Variants in DTNBP1 observed in about 807,000 individuals in gnomAD.
The protein encoded by DTNBP1 is dysbindin.
In DTNBP1, 35 loss-of-function variants were observed where a neutral mutation model predicts 42.8. The ratio of observed to expected loss-of-function variants is 0.82; its 90% CI spans 0.63 to 1.09. The LOEUF is 1.09. Among genes scored for constraint, DTNBP1 ranks in the 50% least tolerant of loss-of-function variants. The pLI, the probability that DTNBP1 is intolerant of heterozygous loss-of-function variation, is 0.00. For missense variants in DTNBP1, 457 were observed against 424.2 expected (o/e 1.08, Z -0.68); for synonymous variants, 171 against 162.2 (o/e 1.05, Z -0.41).
chr6:15,569,191 C>G (rs1210131800), intron 7 of DTNBP1, among the ~76,000 whole-genome samples: 1 of 152,180 alleles, frequency 6.6e-6, no homozygotes, highest in African/African-American at 2.4e-5. Flanking sequence ...GATAGGATAT[C>G]TGACCTTAGA....
chr6:15,651,351 A>G lies in DTNBP1; in HGVS notation c.123T>C (p.Phe41=). Residue 41 remains phenylalanine, a synonymous_variant, in exon 3 of 10, where the codon TTT becomes TTC. Transcript: ENST00000344537. ...KVKSKPRTVP[F]LPKYSAGLEL... ...CTAATCCAGCAGAGTACTTTGGCAAAAATGGAACAGTCCTGCCCAAAAGAA... is the reference window on the plus strand; with the variant it reads ...CTAATCCAGCAGAGTACTTTGGCAAGAATGGAACAGTCCTGCCCAAAAGAA... 6.2e-7 allele frequency: 1 copy of G among 1,611,958 alleles called. No individual in the cohort carries two copies.
At chr6:15,524,208 C>T (rs1171363981) in intron 9 of DTNBP1, 2 of 1,512,020 alleles carry the variant, frequency 1.3e-6, no homozygotes, top group Non-Finnish European at 1.8e-6. Flanking sequence ...CTGCAAACGC[C>T]AGTCCTTAAC....
Position 15,523,879 on chromosome 6 carries a change from A to G in DTNBP1, c.811+647T>C, listed in dbSNP as rs752887779. On this transcript the variant is annotated intron_variant, in intron 9 of 9. Coordinates refer to ENST00000344537, the MANE Select transcript of DTNBP1 (RefSeq NM_032122.5). ...TTTAGAGGAAGCTGAAACCGTGGTA[A>G]TGGTAGAACCTTCTACAGATGGCTG... is the stretch of plus-strand genomic sequence containing the variant. 16 of 1,287,096 alleles carry G rather than the reference A, an allele frequency of 1.2e-5. 1 individual carries two copies. In the South Asian group the frequency reaches 1.9e-4, roughly 15 times the overall value. The allele number at this position is 1,287,096 out of a possible 1,614,324, so 79.7% of individuals were successfully genotyped here. A position where few individuals can be genotyped will look rare whatever the true frequency, so the allele number is the denominator to read the frequency against.
chr6:15,623,032 T>G (rs143550862), intron 5 of DTNBP1, among the ~76,000 whole-genome samples: 166 of 152,336 alleles, frequency 1.1e-3, no homozygotes, highest in African/African-American at 3.8e-3. Context: ...TACGTTACAC[T>G]TTTATGTACT....
In DTNBP1 at chr6:15,548,432, CACACAG is replaced by C. The variant is rs1287398248; in HGVS notation, c.512-15043_512-15038del. 3 of 103,436 alleles carry C rather than the reference CACACAG, an allele frequency of 2.9e-5. No homozygotes were observed. In the East Asian group the frequency reaches 8.4e-4, roughly 29 times the overall value. The allele number at this position is 103,436 out of a possible 1,614,324, so 6.4% of individuals were successfully genotyped here. A position where few individuals can be genotyped will look rare whatever the true frequency, so the allele number is the denominator to read the frequency against. On this transcript the variant is annotated intron_variant, in intron 7 of 9. Coordinates refer to ENST00000344537, the MANE Select transcript of DTNBP1 (RefSeq NM_032122.5). Reference sequence around the variant, plus strand: ...TATTCTTAATCTCTAAGCTTAAACACACACAGACACACACACACACACACACACACA... The same window carrying C: ...TATTCTTAATCTCTAAGCTTAAACACACACACACACACACACACACACACA...
rs1010343006 is a variant in DTNBP1 at position 15,660,353 on chromosome 6, C to T, written c.56+2461G>A. On this transcript the variant is annotated intron_variant, in intron 1 of 9. Coordinates refer to ENST00000344537, the MANE Select transcript of DTNBP1 (RefSeq NM_032122.5). ...CAAGCTGAATATGGAAAAGTTTAAC[C>T]GAACAGCTTAAATGTAGGAAATTGA... 149 of 1,289,584 alleles carry T rather than the reference C, an allele frequency of 1.2e-4. 1 individual carries two copies. In the Admixed American group the frequency reaches 3.3e-3, roughly 29 times the overall value. 79.9% of individuals were successfully genotyped at this position (1,289,584 alleles called of 1,614,324 possible). A position where few individuals can be genotyped will look rare whatever the true frequency, so the allele number is the denominator to read the frequency against.
chr6:15,641,627 C>T lies in DTNBP1; in HGVS notation c.162-3823G>A, dbSNP rs141680196. The stretch of plus-strand genomic sequence containing the variant: ...ACTCGTGTGTACATGCGTGTCCACA[C>T]TCCTCTCAGGTGCCAGATACCATAC... On this transcript the variant is annotated intron_variant, in intron 3 of 9. Coordinates refer to ENST00000344537, the MANE Select transcript of DTNBP1 (RefSeq NM_032122.5). 5.9e-5 allele frequency among the ~76,000 whole-genome samples: 9 copies of T among 152,288 alleles called. No individual in the cohort carries two copies. The East Asian group carries it at 1.7e-3, about 29-fold the overall frequency.
chr6:15,624,166 A>AATACC (rs1308304400), intron 5 of DTNBP1, among the ~76,000 whole-genome samples: 6 of 152,140 alleles, frequency 3.9e-5, no homozygotes, highest in African/African-American at 1.4e-4. Context: ...TAATCCTCCA[A>AATACC]ATACCTACAA....
At chr6:15,618,445 T>C (rs949451111) in intron 5 of DTNBP1, among the ~76,000 whole-genome samples, 6 of 151,832 alleles carry the variant, frequency 4.0e-5, no homozygotes, top group Non-Finnish European at 5.9e-5. Context: ...TGTTTGGGTA[T>C]TGGGTACACT....
At chr6:15,558,468 T>C (rs1459371149) in intron 7 of DTNBP1, among the ~76,000 whole-genome samples, 1 of 152,106 alleles carries the variant, frequency 6.6e-6, no homozygotes, top group Non-Finnish European at 1.5e-5. Flanking sequence ...GGTTTCAGCA[T>C]GTTGGCCAGA....
At chr6:15,647,035 G>T (rs985046558) in intron 3 of DTNBP1, among the ~76,000 whole-genome samples, 1 of 151,812 alleles carries the variant, frequency 6.6e-6, no homozygotes, top group Non-Finnish European at 1.5e-5. Context: ...GAGCTTCTGC[G>T]TAGCAAAAGA....
At chr6:15,646,684 G>C (rs1344670851) in intron 3 of DTNBP1, among the ~76,000 whole-genome samples, 1 of 151,978 alleles carries the variant, frequency 6.6e-6, no homozygotes, top group Non-Finnish European at 1.5e-5. Flanking sequence ...CAGATCAATG[G>C]AACAGGATAG....
At chr6:15,570,874 C>T (rs1775309915) in intron 7 of DTNBP1, among the ~76,000 whole-genome samples, 1 of 152,128 alleles carries the variant, frequency 6.6e-6, no homozygotes, top group South Asian at 2.1e-4. Context: ...TTCAAAACCA[C>T]ATACTTAGAA....
chr6:15,640,268 C>T (rs984333186), intron 3 of DTNBP1, among the ~76,000 whole-genome samples: 5 of 152,148 alleles, frequency 3.3e-5, no homozygotes, highest in Admixed American at 6.5e-5. Flanking sequence ...CATCTCATGC[C>T]GCCTTGAAAC....
intron 8 of DTNBP1, among the ~76,000 whole-genome samples, chr6:15,525,972 A>G (rs574902751): frequency 3.0e-4 from 46 of 152,350 alleles, no homozygotes; most frequent in Non-Finnish European, 6.2e-4. Flanking sequence ...GAACATCAAA[A>G]GACAAAGGCT....
chr6:15,634,161 C>G (rs1029395636), intron 4 of DTNBP1, among the ~76,000 whole-genome samples: 1 of 122,274 alleles, frequency 8.2e-6, no homozygotes, highest in Non-Finnish European at 1.7e-5. Flanking sequence ...AAAATATGCC[C>G]TTTAGATTAA....
chr6:15,533,550 T>C, intron 7 of DTNBP1, 155 bp from the exon 8 acceptor site: 1 of 1,267,174 alleles, frequency 7.9e-7, no homozygotes, highest in East Asian at 2.3e-5. Flanking sequence ...GCTGGCCTCC[T>C]TGTCCCCCAA....
chr6:15,596,955 T>G (rs978201221), intron 6 of DTNBP1, among the ~76,000 whole-genome samples: 1 of 152,214 alleles, frequency 6.6e-6, no homozygotes, highest in Non-Finnish European at 1.5e-5. Flanking sequence ...TCTCAAAAGA[T>G]AGCCTGAATT....
intron 6 of DTNBP1, among the ~76,000 whole-genome samples, chr6:15,597,770 T>C (rs1202841280): frequency 6.6e-6 from 1 of 152,224 alleles, no homozygotes; most frequent in Admixed American, 6.5e-5. Context: ...ACTCAGCAAA[T>C]CATGATTACC....
Sources: allele counts gnomAD v4.1 joint callset (sites outside exome capture counted in the v4.1 genomes callset), GRCh38; gene constraint gnomAD v4.1.1; transcripts MANE v1.5; gene names NCBI Gene and HGNC (gene_info 2026-07-23, HGNC 2026-07-21).